Variants in WWOX observed in about 807,000 individuals in gnomAD.
WWOX encodes the protein WW domain-containing oxidoreductase.
WWOX carries 69 observed loss-of-function variants against 46.2 expected under a neutral mutation model. That is an observed-to-expected ratio of 1.49 (90% CI 1.23 to 1.82). The LOEUF (loss-of-function observed/expected upper bound fraction) is 1.82. Among genes scored for constraint, WWOX ranks in the 40% most tolerant of loss-of-function variants. The pLI is 0.00. For synonymous variants in WWOX, 359 were observed against 202.6 expected (o/e 1.77, Z -6.56); for missense variants, 919 against 542.6 (o/e 1.69, Z -6.89).
chr16:78,374,893 C>T (rs1448430843), intron 5 of WWOX, among the ~76,000 whole-genome samples: 1 of 151,934 alleles, frequency 6.6e-6, no homozygotes, highest in African/African-American at 2.4e-5. Context: ...ACCAGGTTGG[C>T]CAGCCTGGTC....
chr16:78,731,188 TA>T (rs1394667501), intron 8 of WWOX, among the ~76,000 whole-genome samples: 1 of 152,176 alleles, frequency 6.6e-6, no homozygotes, highest in Admixed American at 6.5e-5. Context: ...AGACCGTGGC[TA>T]ATATTTCATT....
intron 5 of WWOX, among the ~76,000 whole-genome samples, chr16:78,240,433 C>A (rs13335340): frequency 7.9e-5 from 12 of 152,036 alleles, no homozygotes; most frequent in Admixed American, 4.6e-4. Flanking sequence ...AGAGATGCCA[C>A]GGTCATGGGC....
intron 8 of WWOX, among the ~76,000 whole-genome samples, chr16:78,728,895 G>A (rs913817120): frequency 1.3e-5 from 2 of 152,170 alleles, no homozygotes; most frequent in Admixed American, 6.5e-5. Context: ...AACAAACTAT[G>A]CATAGATCAC....
chr16:78,606,308 T>G (rs185608812), intron 8 of WWOX, among the ~76,000 whole-genome samples: 63 of 152,330 alleles, frequency 4.1e-4, no homozygotes, highest in Middle Eastern at 6.8e-3. Flanking sequence ...TTTACATCAT[T>G]TTAAAATTGT....
At chr16:78,255,057 GGC>G (rs2038091009) in intron 5 of WWOX, among the ~76,000 whole-genome samples, 1 of 152,194 alleles carries the variant, frequency 6.6e-6, no homozygotes, top group African/African-American at 2.4e-5. Flanking sequence ...TGCCACCCAT[GGC>G]TTCCCCTTTC....
At chr16:78,675,360 C>T (rs1196800952) in intron 8 of WWOX, among the ~76,000 whole-genome samples, 1 of 152,116 alleles carries the variant, frequency 6.6e-6, no homozygotes, top group African/African-American at 2.4e-5. Flanking sequence ...TCATATCGTT[C>T]ATCTACATAA....
intron 8 of WWOX, among the ~76,000 whole-genome samples, chr16:79,065,121 C>A (rs139424641): frequency 6.4e-4 from 97 of 152,250 alleles, no homozygotes; most frequent in Middle Eastern, 3.4e-3. Flanking sequence ...TGTTTCTCTT[C>A]GCTATGGGGA....
chr16:78,471,787 T>C (rs570154936), intron 8 of WWOX, among the ~76,000 whole-genome samples: 1 of 152,286 alleles, frequency 6.6e-6, no homozygotes, highest in South Asian at 2.1e-4. Flanking sequence ...ATAACGATGA[T>C]TTTTCCATGC....
chr16:79,173,448 G>A (rs2050740663), intron 8 of WWOX, among the ~76,000 whole-genome samples: 1 of 152,218 alleles, frequency 6.6e-6, no homozygotes, highest in South Asian at 2.1e-4. Flanking sequence ...AACAGGCAGA[G>A]ACTGGGACCA....
chr16:78,708,411 CTTTT>C (rs1014898149), intron 8 of WWOX, among the ~76,000 whole-genome samples: 2 of 152,168 alleles, frequency 1.3e-5, no homozygotes, highest in Non-Finnish European at 2.9e-5. Context: ...CCTGTGACAT[CTTTT>C]TGTTTCTGCC....
chr16:78,735,853 C>G (rs571723879), intron 8 of WWOX, among the ~76,000 whole-genome samples: 1 of 112,254 alleles, frequency 8.9e-6, no homozygotes, highest in African/African-American at 4.1e-5. Context: ...TTTCTGCTCT[C>G]TGCAACAGGG....
chr16:78,976,617 A>G (rs750280409), intron 8 of WWOX, among the ~76,000 whole-genome samples: 1 of 152,214 alleles, frequency 6.6e-6, no homozygotes, highest in Non-Finnish European at 1.5e-5. Context: ...CCAAGCCTGA[A>G]CATCCACACC....
rs33981779 is a variant in WWOX at position 78,817,172 on chromosome 16, C to CTTTTTTTTTTTTTTTTTT, written c.1056+384430_1056+384447dup. On this transcript the variant is annotated intron_variant, in intron 8 of 8. Transcript: ENST00000566780. ...GTTTTTCTTAAACATTAGTGCTATT[C>CTTTTTTTTTTTTTTTTTT]TTTTTTTTTTTTTTTTTTTTTTTTT... Among the ~76,000 whole-genome samples, 25 of 51,576 alleles carry CTTTTTTTTTTTTTTTTTT rather than the reference C, an allele frequency of 4.8e-4. 8 individuals carry two copies. Among genetic ancestry groups the CTTTTTTTTTTTTTTTTTT allele is most frequent in the Non-Finnish European group, 6.5e-4 (19 of 29,106 alleles). 33.8% of individuals were successfully genotyped at this position (51,576 alleles called of 152,430 possible).
intron 8 of WWOX, among the ~76,000 whole-genome samples, chr16:78,748,701 G>A (rs961353926): frequency 7.9e-5 from 12 of 152,210 alleles, no homozygotes; most frequent in Admixed American, 3.3e-4. Flanking sequence ...GTCAGGGCCC[G>A]TGGCAAAGGG....
At chr16:79,088,280 G>T (rs1033051981) in intron 8 of WWOX, among the ~76,000 whole-genome samples, 3 of 152,182 alleles carry the variant, frequency 2.0e-5, no homozygotes, top group Admixed American at 6.5e-5. Flanking sequence ...AAGGTAAAGG[G>T]AGGACGCAGA....
intron 5 of WWOX, among the ~76,000 whole-genome samples, chr16:78,271,295 T>C (rs1036261183): frequency 3.9e-5 from 6 of 152,190 alleles, no homozygotes; most frequent in Non-Finnish European, 7.3e-5. Context: ...AAGGAATGAG[T>C]GCGTGTATCT....
Position 78,350,249 on chromosome 16 carries a change from C to A in WWOX, c.517-36611C>A. Among the ~76,000 whole-genome samples, 2 of 121,132 alleles carry A rather than the reference C, an allele frequency of 1.7e-5. 1 individual carries two copies. The highest frequency in any genetic ancestry group is 3.9e-4 in the East Asian group (2 of 5,176). The allele number at this position is 121,132 out of a possible 152,430, so 79.5% of individuals were successfully genotyped here. A position where few individuals can be genotyped will look rare whatever the true frequency, so the allele number is the denominator to read the frequency against. On this transcript the variant is annotated intron_variant, in intron 5 of 8. Transcript: ENST00000566780. ...GTGATTTATTACTAGAAATTCTTAG[C>A]GAGCTGAAGTTTGTAAATTTTCTCA...
chr16:79,024,291 C>G (rs984024256), intron 8 of WWOX, among the ~76,000 whole-genome samples: 33 of 152,166 alleles, frequency 2.2e-4, no homozygotes, highest in African/African-American at 6.8e-4. Flanking sequence ...CAGGGCCTTA[C>G]GCTGCTGCGT....
rs185737429 is a variant in WWOX at position 78,429,021 on chromosome 16, G to A, written c.792-3467G>A. Among the ~76,000 whole-genome samples the A allele has an allele frequency of 5.3e-5, 8 of 152,186 alleles. No individual in the cohort carries two copies. In the East Asian group the frequency reaches 1.2e-3, roughly 22 times the overall value. ...GTGTTCCTTTGTTTTTTTTATTAAG[G>A]ACTTGGTCCTTGGATTGGAATTCCA... On this transcript the variant is annotated intron_variant, in intron 7 of 8. Transcript: ENST00000566780.
Sources: allele counts gnomAD v4.1 joint callset (sites outside exome capture counted in the v4.1 genomes callset), GRCh38; gene constraint gnomAD v4.1.1; transcripts MANE v1.5; gene names NCBI Gene and HGNC (gene_info 2026-07-23, HGNC 2026-07-21).